The following BTBD8 variants were observed in gnomAD, a reference collection of about 807,000 sequenced individuals.
BTBD8 encodes BTB domain containing 8.
In BTBD8, 110 loss-of-function variants were observed where a neutral mutation model predicts 162.9. That is an observed-to-expected ratio of 0.68 (90% CI 0.58 to 0.79). BTBD8 has a LOEUF of 0.79. Ranked by LOEUF, BTBD8 falls within the 30% of genes least tolerant of loss-of-function variation. The probability of loss-of-function intolerance (pLI) is 0.00; values close to 1 mark genes in which losing one functional copy is unlikely to be tolerated. For synonymous variants in BTBD8, 667 were observed against 716.1 expected (o/e 0.93, Z 1.10); for missense variants, 1,905 against 2,085.4 (o/e 0.91, Z 1.68).
At position 92,184,286 on chromosome 1, in the gene BTBD8, C is replaced by T. The variant is rs1348403240; in HGVS notation, c.5335C>T (p.Pro1779Ser). ...MASFSSEDCS[P>S]QGEWTILELE... ...TAGTTTTTCCTCTGAAGATTGTTCG[C>T]CTCAAGGCGAGTGGACAATTCTGGA... Residue 1779 changes from proline (P) to serine (S), a missense_variant, in exon 18 of 18, where the codon CCT (proline) becomes TCT (serine). This residue lies in a region of BTBD8 where 517 missense variants were observed against 606.6 expected (regional missense o/e 0.85). Coordinates refer to ENST00000636805, the MANE Select transcript of BTBD8 (RefSeq NM_001376131.1). 4.5e-6 allele frequency: 7 copies of T among 1,551,280 alleles called. No individual in the cohort carries two copies. The highest frequency in any genetic ancestry group is 6.1e-6 in the Non-Finnish European group (7 of 1,146,772).
At chr1:92,080,992 A>G (rs1647997632) in intron 1 of BTBD8, among the ~76,000 whole-genome samples, 1 of 152,248 alleles carries the variant, frequency 6.6e-6, no homozygotes, top group Admixed American at 6.5e-5. Context: ...TTTGCTAGAA[A>G]TATCTCAACA....
chr1:92,111,830 A>G (rs1400914954), intron 4 of BTBD8, among the ~76,000 whole-genome samples: 2 of 152,136 alleles, frequency 1.3e-5, no homozygotes, highest in African/African-American at 2.4e-5. Context: ...AGCTTGTCTT[A>G]TATCAGGGGG....
chr1:92,180,710 G>C lies in BTBD8; in HGVS notation c.3027G>C (p.Arg1009Ser). 3 of 1,551,622 alleles carry C rather than the reference G, an allele frequency of 1.9e-6. No individual in the cohort carries two copies. Among genetic ancestry groups the C allele is most frequent in the Non-Finnish European group, 2.6e-6 (3 of 1,146,986 alleles). Residue 1009 changes from arginine (R) to serine (S), a missense_variant, in exon 17 of 18, where the codon AGG becomes AGC. Arg to Ser is a moderately radical substitution (Grantham distance 110). Coordinates refer to ENST00000636805, the MANE Select transcript of BTBD8 (RefSeq NM_001376131.1). ...SDAEALQSSC[R>S]PDPQKPLNDQ... is the part of the protein sequence containing the mutation. The stretch of plus-strand genomic sequence containing the variant: ...CAGAAGCACTCCAGTCATCCTGCAG[G>C]CCTGACCCACAAAAGCCATTAAACG...
chr1:92,101,570 G>T (rs942695163), intron 2 of BTBD8, among the ~76,000 whole-genome samples: 2 of 152,248 alleles, frequency 1.3e-5, no homozygotes, highest in African/African-American at 4.8e-5. Context: ...GGTTCCAGGG[G>T]TGAGGTGACA....
intron 13 of BTBD8, among the ~76,000 whole-genome samples, chr1:92,174,598 T>C (rs138482120): frequency 1.3e-5 from 2 of 150,172 alleles, no homozygotes; most frequent in South Asian, 4.3e-4. Flanking sequence ...GAAGTCAGCC[T>C]GGTTTTAGGT....
At chr1:92,093,601 G>GACTAA (rs1236318747) in intron 2 of BTBD8, among the ~76,000 whole-genome samples, 1 of 152,152 alleles carries the variant, frequency 6.6e-6, no homozygotes, top group Non-Finnish European at 1.5e-5. Flanking sequence ...TATGAACTTA[G>GACTAA]ACTAATCACT....
chr1:92,137,739 T>C (rs1280836736), intron 5 of BTBD8, among the ~76,000 whole-genome samples: 1 of 152,180 alleles, frequency 6.6e-6, no homozygotes, highest in African/African-American at 2.4e-5. Context: ...CTTAGAATCT[T>C]TGCATATGTA....
At chr1:92,141,046 A>G (rs1649764270) in intron 6 of BTBD8, 69 bp from the exon 7 acceptor site, 1 of 1,365,344 alleles carries the variant, frequency 7.3e-7, no homozygotes, top group Non-Finnish European at 9.7e-7. Context: ...TATATTATCA[A>G]TAAATTAGTA....
chr1:92,162,842 C>G (rs1048128822), intron 9 of BTBD8, among the ~76,000 whole-genome samples: 1 of 152,070 alleles, frequency 6.6e-6, no homozygotes, highest in Non-Finnish European at 1.5e-5. Flanking sequence ...AGAAATGTAT[C>G]TTGTAGATAT....
intron 13 of BTBD8, among the ~76,000 whole-genome samples, chr1:92,171,861 C>T (rs997602266): frequency 1.3e-5 from 2 of 152,204 alleles, no homozygotes; most frequent in African/African-American, 2.4e-5. Flanking sequence ...GAGGCCGAGG[C>T]GGATGGATCA....
chr1:92,175,477 C>CAAAAAAAAAAAAAA lies in BTBD8; in HGVS notation c.1636-1343_1636-1330dup, dbSNP rs71091265. Among the ~76,000 whole-genome samples, 16 of 37,456 alleles carry CAAAAAAAAAAAAAA rather than the reference C, an allele frequency of 4.3e-4. 2 individuals carry two copies. The highest frequency in any genetic ancestry group is 1.5e-3 in the African/African-American group (15 of 10,256). The allele number at this position is 37,456 out of a possible 152,430, so 24.6% of individuals were successfully genotyped here. On this transcript the variant is annotated intron_variant, in intron 13 of 17. Transcript: ENST00000636805. ...CTGGCAACAGAGCAAGACTCCATCT[C>CAAAAAAAAAAAAAA]AAAAAAAAAAAAAAAAAAAAAAGAA...
At chr1:92,124,699 G>A in intron 4 of BTBD8, among the ~76,000 whole-genome samples, 1 of 152,208 alleles carries the variant, frequency 6.6e-6, no homozygotes, top group East Asian at 1.9e-4. Context: ...AGATTAGCTA[G>A]AGCAACATAG....
chr1:92,132,350 A>G (rs1446353569), intron 5 of BTBD8, among the ~76,000 whole-genome samples: 1 of 151,152 alleles, frequency 6.6e-6, no homozygotes, highest in African/African-American at 2.4e-5. Flanking sequence ...ATCACCCCTC[A>G]TGAGCTGATG....
intron 4 of BTBD8, among the ~76,000 whole-genome samples, chr1:92,129,247 C>T (rs72956870): frequency 0.014 from 2,205 of 152,164 alleles, 62 homozygotes; most frequent in African/African-American, 0.051. Context: ...CCCAGCACTT[C>T]AGGAATAGGG....
intron 5 of BTBD8, among the ~76,000 whole-genome samples, chr1:92,135,344 C>T (rs773064907): frequency 1.7e-4 from 26 of 152,182 alleles, no homozygotes; most frequent in Non-Finnish European, 3.7e-4. Flanking sequence ...TGCCACCTCA[C>T]CCAGATAATT....
chr1:92,091,168 G>A (rs1208466284), intron 2 of BTBD8, among the ~76,000 whole-genome samples: 1 of 152,164 alleles, frequency 6.6e-6, no homozygotes, highest in Non-Finnish European at 1.5e-5. Context: ...CCCCCTGGCT[G>A]TTCTCATGAT....
chr1:92,127,791 C>T (rs537107920), intron 4 of BTBD8, among the ~76,000 whole-genome samples: 20 of 152,162 alleles, frequency 1.3e-4, no homozygotes, highest in African/African-American at 4.8e-4. Context: ...GAACTGCTGA[C>T]TTCAAGTGAT....
chr1:92,086,707 G>A (rs1210849176), intron 1 of BTBD8, among the ~76,000 whole-genome samples: 2 of 152,090 alleles, frequency 1.3e-5, no homozygotes, highest in Non-Finnish European at 2.9e-5. Context: ...TAAGCCAAGA[G>A]GGCTCCACCC....
intron 4 of BTBD8, among the ~76,000 whole-genome samples, chr1:92,118,805 T>TTTTC (rs1553122684): frequency 6.9e-6 from 1 of 144,382 alleles, no homozygotes; most frequent in African/African-American, 2.6e-5. Flanking sequence ...CTTTCTTTCT[T>TTTTC]TTTTTTTTTT....
Sources: gnomAD v4.1 joint callset for allele counts (sites outside exome capture counted in the v4.1 genomes callset) on GRCh38, gnomAD v4.1.1 for gene constraint, gnomAD v4.1.1 regional missense constraint, MANE v1.5 for transcripts, NCBI Gene and HGNC (gene_info 2026-07-23, HGNC 2026-07-21) for gene names.